RAP1GAP2: variants seen among roughly 807,000 people sequenced by gnomAD.
RAP1GAP2 encodes the protein RAP1 GTPase activating protein 2.
In RAP1GAP2, 27 loss-of-function variants were observed where a neutral mutation model predicts 95.0. The observed-to-expected ratio is 0.28, with a 90% CI of 0.21 to 0.39. The LOEUF is 0.39. RAP1GAP2 is among the 10% of genes least tolerant of loss of function. RAP1GAP2 has a pLI of 1.00. For synonymous variants in RAP1GAP2, 373 were observed against 380.9 expected (o/e 0.98, Z 0.24); for missense variants, 771 against 970.0 (o/e 0.79, Z 2.72).
chr17:2,790,383 C>G (rs531787655), intron 1 of RAP1GAP2, among the ~76,000 whole-genome samples: 1 of 152,244 alleles, frequency 6.6e-6, no homozygotes, highest in African/African-American at 2.4e-5. Flanking sequence ...AATCCCAAAG[C>G]GCTGGGATTA....
rs749399385 is a variant in RAP1GAP2 at position 2,857,812 on chromosome 17, G to A, written c.81-47472G>A. 3.9e-5 allele frequency among the ~76,000 whole-genome samples: 6 copies of A among 152,052 alleles called. No homozygotes were observed. The highest frequency in any genetic ancestry group is 5.9e-5 in the Non-Finnish European group (4 of 68,006). The stretch of plus-strand genomic sequence containing the variant: ...CGAGGAACACGATCAAAATATGTAC[G>A]TTCTTGGCCGGGCGCGGCAGCTCAC... On this transcript the variant is annotated intron_variant, in intron 2 of 24. Transcript: ENST00000254695. The surrounding 1 kb of genome is among the most constrained non-coding windows in gnomAD (Gnocchi z 4.0).
At chr17:2,914,842 A>T (rs1457756486) in intron 3 of RAP1GAP2, among the ~76,000 whole-genome samples, 1 of 139,208 alleles carries the variant, frequency 7.2e-6, no homozygotes, top group Non-Finnish European at 1.5e-5. Flanking sequence ...CCCAGGCTAG[A>T]GTGCAATGGC....
intron 17 of RAP1GAP2, among the ~76,000 whole-genome samples, chr17:3,016,708 C>T (rs2046781659): frequency 1.3e-5 from 2 of 149,830 alleles, no homozygotes; most frequent in Non-Finnish European, 3.0e-5. Context: ...CCACACTTAT[C>T]AGATCATTAC....
rs572170385 is a variant in RAP1GAP2, at chr17:2,757,992, C to T, written c.50+2225C>T. ...TCACACCATTCTCCTGCCTCAGCCTCCTGAGTAGCTGGGACTACAGGTGCC... is the reference window on the plus strand; with the variant it reads ...TCACACCATTCTCCTGCCTCAGCCTTCTGAGTAGCTGGGACTACAGGTGCC... On this transcript the variant is annotated intron_variant, in intron 1 of 25. Coordinates refer to the RAP1GAP2 transcript ENST00000637138. 3.6e-3 allele frequency among the ~76,000 whole-genome samples: 552 copies of T among 152,034 alleles called. 1 individual carries two copies. The highest frequency in any genetic ancestry group is 8.1e-3 in the South Asian group (39 of 4,810).
In RAP1GAP2 at chr17:2,866,133, G is replaced by T. The variant is rs780874742; in HGVS notation, c.81-39151G>T. Among the ~76,000 whole-genome samples, 18 of 152,250 alleles carry T rather than the reference G, an allele frequency of 1.2e-4. No individual in the cohort carries two copies. Among genetic ancestry groups the T allele is most frequent in the Non-Finnish European group, 2.1e-4 (14 of 68,042 alleles). On this transcript the variant is annotated intron_variant, in intron 2 of 24. Coordinates refer to ENST00000254695, the MANE Select transcript of RAP1GAP2 (RefSeq NM_015085.5). This position sits in a 1 kb window ranked among gnomAD's most constrained non-coding sequence, Gnocchi z 4.0. ...CTGCCTGGAGTTGGTGGCATTTGAA[G>T]TGGGCCTCGGGGACTGGACAGGATG...
chr17:2,772,577 G>T (rs1236787385), upstream of RAP1GAP2, among the ~76,000 whole-genome samples: 1 of 152,112 alleles, frequency 6.6e-6, no homozygotes, highest in Admixed American at 6.6e-5. Context: ...TGACAGACGT[G>T]AGCCACTGTG....
chr17:2,891,979 A>G (rs185650058), intron 2 of RAP1GAP2, among the ~76,000 whole-genome samples: 56 of 151,604 alleles, frequency 3.7e-4, no homozygotes, highest in Admixed American at 1.5e-3. Context: ...ATGTGCCACC[A>G]TGCCCGGCTA....
At chr17:2,861,442 A>G (rs547041733) in intron 2 of RAP1GAP2, among the ~76,000 whole-genome samples, 3 of 150,200 alleles carry the variant, frequency 2.0e-5, no homozygotes, top group Non-Finnish European at 4.4e-5. Context: ...TGGCTCCCCT[A>G]AGTAGAACGT....
At chr17:2,893,986 G>A (rs924284480) in intron 2 of RAP1GAP2, among the ~76,000 whole-genome samples, 53 of 152,334 alleles carry the variant, frequency 3.5e-4, no homozygotes, top group African/African-American at 9.6e-4. Context: ...GTTCATTTTT[G>A]CTTTATGAAA....
chr17:2,898,577 A>G (rs924514900), intron 2 of RAP1GAP2, among the ~76,000 whole-genome samples: 3 of 152,120 alleles, frequency 2.0e-5, no homozygotes, highest in Admixed American at 1.3e-4. Flanking sequence ...CGGTTCCCAC[A>G]TGGCAGCTGG....
chr17:2,806,744 C>T (rs943350334), intron 2 of RAP1GAP2, among the ~76,000 whole-genome samples: 7 of 151,162 alleles, frequency 4.6e-5, no homozygotes, highest in African/African-American at 1.2e-4. Flanking sequence ...GACAGAGTCT[C>T]ACTCTCTCTC....
At chr17:2,898,199 A>G (rs2041903186) in intron 2 of RAP1GAP2, among the ~76,000 whole-genome samples, 1 of 152,272 alleles carries the variant, frequency 6.6e-6, no homozygotes, top group African/African-American at 2.4e-5. Flanking sequence ...GGTGTGAGCC[A>G]CCTCACCCGG....
chr17:3,001,455 C>T (rs1413139708), intron 14 of RAP1GAP2, among the ~76,000 whole-genome samples: 2 of 83,594 alleles, frequency 2.4e-5, no homozygotes, highest in African/African-American at 1.0e-4. Flanking sequence ...AGTGCAGGTC[C>T]AAGCACCAGG....
intron 16 of RAP1GAP2, 122 bp downstream of exon 16, chr17:3,006,163 G>A (rs2046327139): frequency 3.7e-6 from 3 of 804,050 alleles, no homozygotes; most frequent in Admixed American, 3.1e-5. Context: ...GTCTTGCTCT[G>A]TTACCCAGGC....
In RAP1GAP2 at chr17:3,025,684, A is replaced by T. The variant is rs141527203; in HGVS notation, c.1752-324A>T. Reference sequence around the variant, plus strand: ...CCATTCCCCACGGGGCCCTCTCTTGACCCACAACTCCGCCAGGTGTGATGG... The same window carrying T: ...CCATTCCCCACGGGGCCCTCTCTTGTCCCACAACTCCGCCAGGTGTGATGG... On this transcript the variant is annotated intron_variant, in intron 19 of 24. Coordinates refer to ENST00000254695, the MANE Select transcript of RAP1GAP2 (RefSeq NM_015085.5). Among the ~76,000 whole-genome samples, 417 of 152,116 alleles carry T rather than the reference A, an allele frequency of 2.7e-3. 1 individual carries two copies. Among genetic ancestry groups the T allele is most frequent in the African/African-American group, 9.5e-3 (395 of 41,488 alleles).
rs369561982 is a variant in RAP1GAP2 at position 3,026,319 on chromosome 17, C to T, written c.1866-31C>T. ...GGGGTGGAGGGCTCTCGCGTGTGAC[C>T]CGGGCTGGCCTCACTTCCTATTCCC... is the stretch of plus-strand genomic sequence containing the variant. On this transcript the variant is annotated intron_variant, in intron 20 of 24. Coordinates refer to ENST00000254695, the MANE Select transcript of RAP1GAP2 (RefSeq NM_015085.5). 5.1e-5 allele frequency: 78 copies of T among 1,524,470 alleles called. No homozygotes were observed. The African/African-American group carries it at 9.9e-4, about 19-fold the overall frequency. The allele number at this position is 1,524,470 out of a possible 1,614,324, so 94.4% of individuals were successfully genotyped here.
intron 2 of RAP1GAP2, among the ~76,000 whole-genome samples, chr17:2,852,531 C>G (rs553296956): frequency 6.6e-6 from 1 of 152,334 alleles, no homozygotes; most frequent in East Asian, 1.9e-4. Context: ...CCCCTCTCCA[C>G]CCAGCATGGT....
At chr17:2,995,609 G>C in intron 13 of RAP1GAP2, 143 bp downstream of exon 13, 1 of 1,222,226 alleles carries the variant, frequency 8.2e-7, no homozygotes, top group South Asian at 1.4e-5. Flanking sequence ...CAGCGTCACA[G>C]TCCGTTCTGC....
intron 19 of RAP1GAP2, among the ~76,000 whole-genome samples, chr17:3,023,394 A>G (rs1378425922): frequency 2.6e-5 from 4 of 152,216 alleles, no homozygotes; most frequent in Non-Finnish European, 5.9e-5. Flanking sequence ...TGTCCTCCAG[A>G]AGTTCACAGT....
Sources: allele counts gnomAD v4.1 joint callset (sites outside exome capture counted in the v4.1 genomes callset), GRCh38; gene constraint gnomAD v4.1.1; non-coding constraint Gnocchi (gnomAD v3.1); transcripts MANE v1.5; gene names NCBI Gene and HGNC (gene_info 2026-07-23, HGNC 2026-07-21).